SAMMSON: variants seen among roughly 807,000 people sequenced by gnomAD.
SAMMSON encodes long intergenic non-protein coding RNA 1212.
chr3:70,245,971 A>G (rs1701704295), intron 4 of SAMMSON, among the ~76,000 whole-genome samples: 1 of 151,382 alleles, frequency 6.6e-6, no homozygotes, highest in Non-Finnish European at 1.5e-5. Context: ...TTGATATGGT[A>G]GGGAACTGAA....
At chr3:70,031,858 C>T (rs1409062619) in intron 3 of SAMMSON, among the ~76,000 whole-genome samples, 2 of 152,238 alleles carry the variant, frequency 1.3e-5, no homozygotes, top group East Asian at 3.9e-4. Flanking sequence ...ATACAGCCAT[C>T]AGCACAGTAC....
intron 6 of SAMMSON, among the ~76,000 whole-genome samples, chr3:70,267,962 T>TCCTTTCGCCTCC (rs1215454275): frequency 4.6e-5 from 7 of 151,572 alleles, no homozygotes; most frequent in South Asian, 4.2e-4. Context: ...CCTTCTCCTT[T>TCCTTTCGCCTCC]CCTTTCGCCT....
intron 4 of SAMMSON, chr3:70,205,572 A>G (rs543610371): frequency 1.3e-5 from 2 of 152,122 alleles, no homozygotes; most frequent in East Asian, 1.9e-4. Flanking sequence ...GATCCCCAAC[A>G]TACCCCATGG....
At chr3:70,054,758 G>C (rs1219718241) in intron 3 of SAMMSON, among the ~76,000 whole-genome samples, 1 of 152,066 alleles carries the variant, frequency 6.6e-6, no homozygotes, top group Non-Finnish European at 1.5e-5. Context: ...GGAGTGATGA[G>C]GACTGTGGTC....
At chr3:70,094,603 A>G (rs1470818103) in intron 4 of SAMMSON, 3 of 152,030 alleles carry the variant, frequency 2.0e-5, no homozygotes, top group East Asian at 3.9e-4. Context: ...TGTGTTTGCT[A>G]TTCTCACAGC....
chr3:70,127,906 T>G (rs2067466072), intron 4 of SAMMSON: 2 of 152,130 alleles, frequency 1.3e-5, no homozygotes. Flanking sequence ...CCTCCCAAAG[T>G]GCTGGGATTA....
chr3:70,155,083 A>G (rs2067586649), intron 4 of SAMMSON, among the ~76,000 whole-genome samples: 1 of 151,852 alleles, frequency 6.6e-6, no homozygotes, highest in Non-Finnish European at 1.5e-5. Flanking sequence ...TCATACACCT[A>G]TATTGGCTTA....
At position 70,223,605 on chromosome 3, in the gene SAMMSON, G is replaced by T. The variant is rs1337612674; in HGVS notation, n.508-25502G>T. ...TGAAAAATTATTGTCCTTCGGGCAG[G>T]TACAATGAGTCTTACAGGCTATTTC... is the stretch of plus-strand genomic sequence containing the variant. On this transcript the variant is annotated intron_variant and non_coding_transcript_variant, in intron 4 of 9. Transcript: ENST00000642114. Among the ~76,000 whole-genome samples, 11 of 152,120 alleles carry T rather than the reference G, an allele frequency of 7.2e-5. 1 individual carries two copies. The highest frequency in any genetic ancestry group is 2.9e-5 in the Non-Finnish European group (2 of 68,022).
At chr3:70,287,109 T>C (rs1295666742) in intron 6 of SAMMSON, among the ~76,000 whole-genome samples, 1 of 140,378 alleles carries the variant, frequency 7.1e-6, no homozygotes, top group African/African-American at 2.7e-5. Context: ...ATAGGAGTGG[T>C]GAGAGAGGGC....
chr3:70,352,080 A>C (rs1702798474), intron 7 of SAMMSON, among the ~76,000 whole-genome samples: 2 of 150,280 alleles, frequency 1.3e-5, no homozygotes, highest in South Asian at 4.2e-4. Flanking sequence ...AAAGTAGTCA[A>C]AGAAATAATG....
At chr3:70,391,838 C>T (rs2106757641), downstream of SAMMSON, among the ~76,000 whole-genome samples, 1 of 152,200 alleles carries the variant, frequency 6.6e-6, no homozygotes, top group South Asian at 2.1e-4. Flanking sequence ...ATGGCAATAT[C>T]TATAGTAGGA....
At chr3:70,067,818 T>C (rs963824742) in intron 3 of SAMMSON, among the ~76,000 whole-genome samples, 4 of 152,050 alleles carry the variant, frequency 2.6e-5, no homozygotes, top group African/African-American at 9.7e-5. Context: ...GAATAACTCA[T>C]TGAGGTAGGG....
intron 1 of SAMMSON, among the ~76,000 whole-genome samples, chr3:70,010,525 G>A (rs1005101268): frequency 6.6e-6 from 1 of 152,056 alleles, no homozygotes. Flanking sequence ...GGGGAAGATG[G>A]ATGCTATTTT....
chr3:70,034,361 C>T (rs1491697), intron 3 of SAMMSON, among the ~76,000 whole-genome samples: 70,193 of 151,928 alleles, frequency 0.46, 17,268 homozygotes, highest in East Asian at 0.63. Context: ...AATATATTCA[C>T]CGAAGAATGG....
intron 4 of SAMMSON, among the ~76,000 whole-genome samples, chr3:70,245,691 A>T (rs1011755365): frequency 2.7e-4 from 36 of 135,320 alleles, no homozygotes; most frequent in African/African-American, 9.4e-4. Context: ...ATATATATAT[A>T]TATATATATA....
At chr3:70,397,099 A>C (rs1231267096) in intron 2 of SAMMSON, among the ~76,000 whole-genome samples, 1 of 152,198 alleles carries the variant, frequency 6.6e-6, no homozygotes, top group African/African-American at 2.4e-5. Flanking sequence ...TTAATAGCTA[A>C]TGTAATAAAG....
chr3:70,358,599 G>A (rs142830274), intron 9 of SAMMSON, among the ~76,000 whole-genome samples: 23 of 152,224 alleles, frequency 1.5e-4, no homozygotes, highest in African/African-American at 5.5e-4. Context: ...GGAGTTGTTA[G>A]TCATGTTAGA....
intron 4 of SAMMSON, chr3:70,125,600 T>G (rs76474237): frequency 2.9e-6 from 2 of 699,624 alleles, no homozygotes; most frequent in East Asian, 2.7e-5. Context: ...CAATTTTGTT[T>G]CTTCTCTAAA....
chr3:70,116,677 G>A (rs1174905545), intron 4 of SAMMSON, among the ~76,000 whole-genome samples: 1 of 152,034 alleles, frequency 6.6e-6, no homozygotes, highest in African/African-American at 2.4e-5. Context: ...ACCGTGTTTT[G>A]TTAGAAAAGT....
Sources: gnomAD v4.1 joint callset for allele counts (sites outside exome capture counted in the v4.1 genomes callset) on GRCh38, gnomAD v4.1.1 for gene constraint, MANE v1.5 for transcripts, NCBI Gene and HGNC (gene_info 2026-07-23, HGNC 2026-07-21) for gene names.